The following STON2 variants were observed in gnomAD, a reference collection of about 807,000 sequenced individuals.
The protein encoded by STON2 is stonin 2.
STON2 carries 29 observed loss-of-function variants against 65.7 expected under a neutral mutation model. The ratio of observed to expected loss-of-function variants is 0.44; its 90% CI spans 0.33 to 0.60. The LOEUF is 0.60. Among genes scored for constraint, STON2 ranks in the 20% least tolerant of loss-of-function variants. The pLI is 0.03. For missense variants in STON2, 1,054 were observed against 1,118.1 expected (o/e 0.94, Z 0.82); for synonymous variants, 404 against 414.2 (o/e 0.98, Z 0.30).
rs1028293571 is a variant in STON2 at position 81,327,674 on chromosome 14, C to T, written c.572-3487G>A. ...ACTGGGATGCTATTAATATTAAAGG[C>T]TTATACTTTCCAAAATGAAAGCATA... is the stretch of plus-strand genomic sequence containing the variant. On this transcript the variant is annotated intron_variant, in intron 4 of 7. Coordinates refer to ENST00000614646, the MANE Select transcript of STON2 (RefSeq NM_001394390.1). 3.3e-5 allele frequency among the ~76,000 whole-genome samples: 5 copies of T among 152,134 alleles called. No homozygotes were observed. In the East Asian group the frequency reaches 7.7e-4, roughly 23 times the overall value.
rs1894545742 is a variant in STON2, at chr14:81,270,729, C to T, written c.2725G>A (p.Val909Ile). Residue 909 changes from valine (V) to isoleucine (I), a missense_variant, in exon 7 of 8, where the codon GTA (valine) becomes ATA (isoleucine). Coordinates refer to ENST00000614646, the MANE Select transcript of STON2 (RefSeq NM_001394390.1). ...ASKASVRSIS[V>I]EDKTDVRKWV... Reference sequence around the variant, plus strand: ...TTCCTGACGTCAGTCTTGTCTTCTACAGAGATAGATCTCACGCTGGCTTTG... The same window carrying T: ...TTCCTGACGTCAGTCTTGTCTTCTATAGAGATAGATCTCACGCTGGCTTTG... 1 of 1,614,168 alleles carries T rather than the reference C, an allele frequency of 6.2e-7. No individual in the cohort carries two copies. The highest frequency in any genetic ancestry group is 2.2e-5 in the East Asian group (1 of 44,876).
At chr14:81,435,548 G>A (rs1902383885) in intron 1 of STON2, among the ~76,000 whole-genome samples, 1 of 152,172 alleles carries the variant, frequency 6.6e-6, no homozygotes, top group Admixed American at 6.5e-5. Flanking sequence ...GGGAAACGGG[G>A]AGCGTCGGGA....
intron 5 of STON2, among the ~76,000 whole-genome samples, chr14:81,318,877 T>C (rs763199058): frequency 9.2e-5 from 14 of 152,180 alleles, no homozygotes; most frequent in Non-Finnish European, 1.6e-4. Flanking sequence ...AATAAAAAAG[T>C]GAAATACATT....
At chr14:81,393,577 C>T (rs763142574) in intron 3 of STON2, among the ~76,000 whole-genome samples, 2 of 152,214 alleles carry the variant, frequency 1.3e-5, no homozygotes, top group Non-Finnish European at 2.9e-5. Flanking sequence ...GGCTGAGTCT[C>T]CTCCACCATG....
At chr14:81,330,265 C>G (rs1897162633) in intron 4 of STON2, among the ~76,000 whole-genome samples, 1 of 152,168 alleles carries the variant, frequency 6.6e-6, no homozygotes, top group Non-Finnish European at 1.5e-5. Flanking sequence ...AGGTGCTGGT[C>G]TGGCACCCTT....
chr14:81,323,234 T>C (rs1045831029), intron 5 of STON2, among the ~76,000 whole-genome samples: 2 of 152,186 alleles, frequency 1.3e-5, no homozygotes, highest in Non-Finnish European at 2.9e-5. Context: ...AACAATGCAG[T>C]GCTTGATTAC....
At chr14:81,375,155 G>A (rs1899192048) in intron 3 of STON2, among the ~76,000 whole-genome samples, 1 of 151,864 alleles carries the variant, frequency 6.6e-6, no homozygotes, top group South Asian at 2.1e-4. Flanking sequence ...AGACAATTCA[G>A]ACAAACAAAA....
At position 81,262,677 on chromosome 14, in the gene STON2, T is replaced by C; in HGVS notation, c.*5737A>G. On this transcript the variant is annotated 3_prime_UTR_variant, in exon 8 of 8. Transcript: ENST00000614646. ...TGGATAGTTTCTGCCTTTACAGGCT[T>C]AGAATTGACAAATTGAGAGACACAT... 2.0e-6 allele frequency: 2 copies of C among 985,490 alleles called. No homozygotes were observed. The highest frequency in any genetic ancestry group is 3.5e-5 in the African/African-American group (2 of 57,382). 61.0% of individuals were successfully genotyped at this position (985,490 alleles called of 1,614,324 possible). A position where few individuals can be genotyped will look rare whatever the true frequency, so the allele number is the denominator to read the frequency against.
At chr14:81,310,452 G>C (rs1225555692) in intron 5 of STON2, among the ~76,000 whole-genome samples, 1 of 152,158 alleles carries the variant, frequency 6.6e-6, no homozygotes, top group African/African-American at 2.4e-5. Context: ...AGTGTGAGCA[G>C]CATCTCCTCC....
intron 4 of STON2, among the ~76,000 whole-genome samples, chr14:81,345,381 A>C (rs1897772014): frequency 6.6e-6 from 1 of 152,216 alleles, no homozygotes; most frequent in Admixed American, 6.5e-5. Context: ...AGGGGAGATC[A>C]TGTGAAGATA....
At chr14:81,386,943 G>C (rs1032440672) in intron 3 of STON2, among the ~76,000 whole-genome samples, 1 of 152,198 alleles carries the variant, frequency 6.6e-6, no homozygotes, top group Non-Finnish European at 1.5e-5. Context: ...TTGGATGATA[G>C]ATGGGCTGAC....
At chr14:81,315,494 A>G (rs1896583742) in intron 5 of STON2, among the ~76,000 whole-genome samples, 1 of 139,544 alleles carries the variant, frequency 7.2e-6, no homozygotes, top group Non-Finnish European at 1.5e-5. Flanking sequence ...GCCTGCACGC[A>G]GGCATTTCCA....
intron 5 of STON2, among the ~76,000 whole-genome samples, chr14:81,299,874 T>A (rs1310919066): frequency 7.7e-6 from 1 of 129,182 alleles, no homozygotes; most frequent in Non-Finnish European, 1.6e-5. Context: ...ATTGTTAAGA[T>A]GGAAAAAAAA....
rs535222975 is a variant in STON2, at chr14:81,412,782, G to A, written c.-198-14202C>T. On this transcript the variant is annotated intron_variant, in intron 2 of 8. Coordinates refer to the STON2 transcript ENST00000553821. ...TTAAATTAAAAAAAAATGACCACGC[G>A]CAAAGCAGTCTTCGCAAAGGGGAAA... Among the ~76,000 whole-genome samples, 6 of 139,924 alleles carry A rather than the reference G, an allele frequency of 4.3e-5. 2 individuals are homozygous for A. The South Asian group carries it at 7.1e-4, about 17-fold the overall frequency. 91.8% of individuals were successfully genotyped at this position (139,924 alleles called of 152,430 possible).
intron 2 of STON2, among the ~76,000 whole-genome samples, chr14:81,409,602 T>C (rs1000201752): frequency 6.6e-6 from 1 of 152,090 alleles, no homozygotes; most frequent in Non-Finnish European, 1.5e-5. Context: ...CTGAGATAAG[T>C]AAAGCAAATA....
At chr14:81,314,787 G>C (rs961203039) in intron 5 of STON2, among the ~76,000 whole-genome samples, 21 of 152,194 alleles carry the variant, frequency 1.4e-4, no homozygotes, top group African/African-American at 4.8e-4. Context: ...TTCCTCTGTA[G>C]CTTCCTCATG....
intron 3 of STON2, among the ~76,000 whole-genome samples, chr14:81,375,994 T>C (rs1899234549): frequency 6.6e-6 from 1 of 151,600 alleles, no homozygotes. Context: ...GAAATATCAA[T>C]AAATATTAGG....
intron 4 of STON2, among the ~76,000 whole-genome samples, chr14:81,357,211 C>T (rs532114377): frequency 5.9e-4 from 90 of 151,358 alleles, no homozygotes; most frequent in African/African-American, 2.1e-3. Flanking sequence ...AAGAAAAAAA[C>T]AAACAACCTC....
chr14:81,267,070 C>A lies in STON2; in HGVS notation c.*1344G>T. On this transcript the variant is annotated 3_prime_UTR_variant, in exon 8 of 8. Transcript: ENST00000614646. ...TCAGCCAAAAACTGGAGATATTTTT[C>A]ATTTCTGCATCATCTACAAATCCAA... 1 of 985,264 alleles carries A rather than the reference C, an allele frequency of 1.0e-6. No homozygotes were observed. The highest frequency in any genetic ancestry group is 1.1e-4 in the East Asian group (1 of 8,818). The allele number at this position is 985,264 out of a possible 1,614,324, so 61.0% of individuals were successfully genotyped here. A position where few individuals can be genotyped will look rare whatever the true frequency, so the allele number is the denominator to read the frequency against.
Sources: allele counts gnomAD v4.1 joint callset (sites outside exome capture counted in the v4.1 genomes callset), GRCh38; gene constraint gnomAD v4.1.1; transcripts MANE v1.5; gene names NCBI Gene and HGNC (gene_info 2026-07-23, HGNC 2026-07-21).